Variants in FAM169A observed in about 807,000 individuals in gnomAD.
FAM169A encodes the protein family with sequence similarity 169 member A, also known as soluble lamin-associated protein of 75 kDa.
FAM169A carries 24 observed loss-of-function variants against 75.7 expected under a neutral mutation model. The observed-to-expected ratio is 0.32, with a 90% CI of 0.23 to 0.45. FAM169A has a LOEUF of 0.45. Ranked by LOEUF, FAM169A falls within the 20% of genes least tolerant of loss-of-function variation. The probability of loss-of-function intolerance (pLI) is 1.00; values close to 1 mark genes in which losing one functional copy is unlikely to be tolerated. For synonymous variants in FAM169A, 271 were observed against 271.0 expected, an observed-to-expected ratio of 1.00 and a Z score of 0.00; for missense variants, 673 against 784.0, an observed-to-expected ratio of 0.86 and a Z score of 1.69.
At chr5:74,844,812 G>A (rs957008026) in intron 1 of FAM169A, among the ~76,000 whole-genome samples, 5 of 152,148 alleles carry the variant, frequency 3.3e-5, no homozygotes, top group South Asian at 2.1e-4. Context: ...GTGAGACTCC[G>A]TCTCAAAAAA....
At chr5:74,787,067 G>A (rs552443149) in intron 11 of FAM169A, among the ~76,000 whole-genome samples, 39 of 152,246 alleles carry the variant, frequency 2.6e-4, no homozygotes, top group Middle Eastern at 6.8e-3. Context: ...GCCTCCTAGA[G>A]GTGAAGTTCA....
intron 6 of FAM169A, among the ~76,000 whole-genome samples, chr5:74,805,752 A>C (rs113663191): frequency 0.011 from 1,602 of 151,910 alleles, 31 homozygotes; most frequent in African/African-American, 0.037. Context: ...AATGTTACAG[A>C]GGGACATAGA....
At chr5:74,819,545 T>C (rs1747664038) in intron 5 of FAM169A, among the ~76,000 whole-genome samples, 1 of 152,128 alleles carries the variant, frequency 6.6e-6, no homozygotes, top group Non-Finnish European at 1.5e-5. Flanking sequence ...ATTCCACAAC[T>C]ACATACACAC....
At chr5:74,825,957 A>G (rs543617728) in intron 5 of FAM169A, among the ~76,000 whole-genome samples, 2 of 152,220 alleles carry the variant, frequency 1.3e-5, no homozygotes, top group South Asian at 4.1e-4. Context: ...AGTTCTGAGA[A>G]ATGTTAGTGA....
In FAM169A at chr5:74,849,100, T is replaced by A. The variant is rs937729679; in HGVS notation, c.-3-7421A>T. Among the ~76,000 whole-genome samples the A allele has an allele frequency of 2.6e-5, 4 of 152,302 alleles. No individual in the cohort carries two copies. In the East Asian group the frequency reaches 7.7e-4, roughly 29 times the overall value. On this transcript the variant is annotated intron_variant, in intron 1 of 12. Coordinates refer to ENST00000687041, the MANE Select transcript of FAM169A (RefSeq NM_001376049.1). ...AAAGTGTCCAAACTAATTTACAAAT[T>A]AAGCGAATGGTATGCTCATTAATCC... is the stretch of plus-strand genomic sequence containing the variant.
chr5:74,814,690 T>C (rs80170796), intron 5 of FAM169A, among the ~76,000 whole-genome samples: 1 of 152,214 alleles, frequency 6.6e-6, no homozygotes, highest in Non-Finnish European at 1.5e-5. Flanking sequence ...AGTTTCTATA[T>C]ATCTCTCTCC....
chr5:74,783,541 G>T (rs984024699), intron 11 of FAM169A, among the ~76,000 whole-genome samples: 16 of 152,174 alleles, frequency 1.1e-4, no homozygotes, highest in Admixed American at 3.9e-4. Flanking sequence ...CATAACACCA[G>T]CTGTTCAGCA....
rs745915866 is a variant in FAM169A, at chr5:74,788,125, G to A, written c.1261-4991C>T. ...TACTGGACACTGGCTCTGAGCTGAC[G>A]TTGATTCCGGGGGACCCAAAACGTC... On this transcript the variant is annotated intron_variant, in intron 11 of 12. Transcript: ENST00000687041. Among the ~76,000 whole-genome samples, 158 of 152,280 alleles carry A rather than the reference G, an allele frequency of 1.0e-3. 1 individual carries two copies. Among genetic ancestry groups the A allele is most frequent in the Middle Eastern group, 6.8e-3 (2 of 292 alleles).
chr5:74,859,974 T>C (rs1749951837), intron 1 of FAM169A, among the ~76,000 whole-genome samples: 1 of 152,160 alleles, frequency 6.6e-6, no homozygotes. Flanking sequence ...CTAAAAGCTA[T>C]CCTAATTCCA....
At chr5:74,797,208 CCT>C (rs201672725) in intron 10 of FAM169A, among the ~76,000 whole-genome samples, 2,213 of 152,218 alleles carry the variant, frequency 0.015, 19 homozygotes, top group Non-Finnish European at 0.022. Flanking sequence ...ACAGGGTCTC[CCT>C]CTGTCACCTA....
At chr5:74,859,287 CTTTTTTTTTTT>C (rs1020109342) in intron 1 of FAM169A, among the ~76,000 whole-genome samples, 26 of 129,064 alleles carry the variant, frequency 2.0e-4, no homozygotes, top group Non-Finnish European at 8.3e-5. Flanking sequence ...AAGGTTTTCT[CTTTTTTTTTTT>C]TTTTTTTTTG....
chr5:74,844,638 T>C (rs897613715), intron 1 of FAM169A, among the ~76,000 whole-genome samples: 2 of 151,924 alleles, frequency 1.3e-5, no homozygotes, highest in Admixed American at 1.3e-4. Context: ...GCTAACACAG[T>C]GAAACCCCGT....
intron 2 of FAM169A, among the ~76,000 whole-genome samples, chr5:74,840,839 C>CA (rs547524149): frequency 5.3e-4 from 74 of 139,866 alleles, no homozygotes; most frequent in South Asian, 9.2e-4. Flanking sequence ...AAAAAAAAAA[C>CA]AAAAAAAAAA....
At chr5:74,842,117 A>AAAAAAAAATCT (rs916020871) in intron 1 of FAM169A, among the ~76,000 whole-genome samples, 8 of 150,000 alleles carry the variant, frequency 5.3e-5, no homozygotes, top group Admixed American at 2.1e-4. Flanking sequence ...AATTTCAAAA[A>AAAAAAAAATCT]AAAAAAAATC....
At chr5:74,789,665 T>C (rs1453785187) in intron 11 of FAM169A, among the ~76,000 whole-genome samples, 2 of 152,190 alleles carry the variant, frequency 1.3e-5, no homozygotes, top group South Asian at 2.1e-4. Context: ...TGAGAAGCCT[T>C]TGGCAGGCCC....
chr5:74,835,581 G>A (rs1297662371), intron 4 of FAM169A, among the ~76,000 whole-genome samples: 1 of 127,266 alleles, frequency 7.9e-6, no homozygotes, highest in Admixed American at 9.5e-5. Flanking sequence ...CAGCCTGGGC[G>A]ACAGAGTGAG....
At chr5:74,811,005 CAG>C (rs1401755027) in intron 6 of FAM169A, among the ~76,000 whole-genome samples, 2 of 130,894 alleles carry the variant, frequency 1.5e-5, no homozygotes, top group Non-Finnish European at 3.1e-5. Flanking sequence ...TTCCTTCAGA[CAG>C]AGTCTCGCTC....
chr5:74,842,420 CAAAAAAAAAAAAAAAAAAAAA>C (rs56653446), intron 1 of FAM169A, among the ~76,000 whole-genome samples: 4 of 22,462 alleles, frequency 1.8e-4, no homozygotes, highest in South Asian at 7.1e-3. Flanking sequence ...GACTCTATCA[CAAAAAAAAAAAAAAAAAAAAA>C]AAAAAAAAAA....
At chr5:74,860,602 A>T (rs1281396080) in intron 1 of FAM169A, among the ~76,000 whole-genome samples, 1 of 152,122 alleles carries the variant, frequency 6.6e-6, no homozygotes, top group Non-Finnish European at 1.5e-5. Flanking sequence ...CTGGAGAGGG[A>T]TCTAGGCCAA....
Sources: gnomAD v4.1 joint callset for allele counts (sites outside exome capture counted in the v4.1 genomes callset) on GRCh38, gnomAD v4.1.1 for gene constraint, MANE v1.5 for transcripts, NCBI Gene and HGNC (gene_info 2026-07-23, HGNC 2026-07-21) for gene names.